PTPRT: variants seen among roughly 807,000 people sequenced by gnomAD.
PTPRT encodes the protein receptor-type tyrosine-protein phosphatase T.
Under a neutral mutation model 176.8 loss-of-function variants are expected in PTPRT, and 56 were observed. The observed-to-expected ratio is 0.32, with a 90% CI of 0.26 to 0.40. The LOEUF (loss-of-function observed/expected upper bound fraction) is 0.40. Ranked by LOEUF, PTPRT falls within the 10% of genes least tolerant of loss-of-function variation. The pLI, the probability that PTPRT is intolerant of heterozygous loss-of-function variation, is 1.00. For missense variants in PTPRT, 1,540 were observed against 1,908.2 expected (o/e 0.81, Z 3.60); for synonymous variants, 783 against 739.0 (o/e 1.06, Z -0.96).
chr20:42,209,214 C>A (rs1189264898), intron 15 of PTPRT, among the ~76,000 whole-genome samples: 4 of 152,088 alleles, frequency 2.6e-5, no homozygotes, highest in African/African-American at 7.2e-5. Context: ...AAAATTAATA[C>A]CCTAACATCA....
At chr20:42,447,989 A>C (rs945633910) in intron 9 of PTPRT, among the ~76,000 whole-genome samples, 5 of 152,106 alleles carry the variant, frequency 3.3e-5, no homozygotes, top group African/African-American at 1.2e-4. Flanking sequence ...GTCAGTTGTC[A>C]CCATAGTCAC....
intron 7 of PTPRT, among the ~76,000 whole-genome samples, chr20:42,495,733 AC>A (rs1344563493): frequency 1.3e-5 from 2 of 152,170 alleles, no homozygotes; most frequent in African/African-American, 4.8e-5. Flanking sequence ...CAAACCTAGC[AC>A]CTAAGATACT....
chr20:42,083,261 C>T (rs1983541925), intron 29 of PTPRT, among the ~76,000 whole-genome samples: 1 of 152,104 alleles, frequency 6.6e-6, no homozygotes, highest in Non-Finnish European at 1.5e-5. Flanking sequence ...GACACAGGGT[C>T]TCAGGGCCTG....
chr20:42,531,478 C>T (rs76073946), intron 7 of PTPRT, among the ~76,000 whole-genome samples: 3 of 152,130 alleles, frequency 2.0e-5, no homozygotes, highest in Non-Finnish European at 4.4e-5. Flanking sequence ...GCTGGTTAGG[C>T]GAGGCCTTAA....
intron 1 of PTPRT, among the ~76,000 whole-genome samples, chr20:43,122,643 G>C (rs1004658161): frequency 6.6e-6 from 1 of 151,950 alleles, no homozygotes; most frequent in African/African-American, 2.4e-5. Context: ...AAGTGCCTTG[G>C]GCCTCCCCCT....
At chr20:42,111,065 C>T (rs145123643) in intron 22 of PTPRT, among the ~76,000 whole-genome samples, 168 of 152,316 alleles carry the variant, frequency 1.1e-3, no homozygotes, top group African/African-American at 3.8e-3. Context: ...CAGAGCTTCT[C>T]TGATCTGATG....
rs116767106 is a variant in PTPRT, at chr20:42,593,251, A to G, written c.1153+84615T>C. ...TATTGGATGCCAAAATCCTCCGCAC[A>G]TCTTCATCTAGTGGTCACCCAGCCT... On this transcript the variant is annotated intron_variant, in intron 7 of 30. Transcript: ENST00000373187. Among the ~76,000 whole-genome samples the G allele has an allele frequency of 4.3e-3, 651 of 152,218 alleles. 2 individuals are homozygous for G. The highest frequency in any genetic ancestry group is 0.015 in the African/African-American group (632 of 41,538).
Position 42,199,399 on chromosome 20 carries a change from T to G in PTPRT, c.2343-11A>C. The G allele has an allele frequency of 6.2e-7, 1 of 1,612,114 alleles. No individual in the cohort carries two copies. On this transcript the variant is annotated splice_polypyrimidine_tract_variant and intron_variant, in intron 15 of 30. Coordinates refer to ENST00000373187, the MANE Select transcript of PTPRT (RefSeq NM_007050.6). ...TTCTTGGCCAGCTTCCTTTGGGACA[T>G]GTGCAAGGGGAAAAAACCACAGTCA...
intron 5 of PTPRT, among the ~76,000 whole-genome samples, chr20:42,768,684 T>C (rs1192885456): frequency 6.6e-6 from 1 of 152,218 alleles, no homozygotes; most frequent in Non-Finnish European, 1.5e-5. Context: ...TTTCTCCTTC[T>C]ATCTGGTGTT....
chr20:42,551,071 T>C (rs1466055312), intron 7 of PTPRT, among the ~76,000 whole-genome samples: 3 of 152,168 alleles, frequency 2.0e-5, no homozygotes, highest in Non-Finnish European at 4.4e-5. Context: ...TCTTCATGCA[T>C]TGTTTTTCAT....
intron 6 of PTPRT, among the ~76,000 whole-genome samples, chr20:42,742,460 CT>C (rs995415553): frequency 1.3e-5 from 2 of 152,176 alleles, no homozygotes; most frequent in Non-Finnish European, 2.9e-5. Flanking sequence ...TGGTGCTGTA[CT>C]CCACATAGTC....
chr20:42,423,893 G>C (rs1219560479), intron 9 of PTPRT, among the ~76,000 whole-genome samples: 4 of 152,106 alleles, frequency 2.6e-5, no homozygotes, highest in African/African-American at 7.2e-5. Flanking sequence ...AATAATTACA[G>C]AAAAATTTCA....
At chr20:42,312,779 T>C (rs2057654297) in intron 12 of PTPRT, among the ~76,000 whole-genome samples, 1 of 149,746 alleles carries the variant, frequency 6.7e-6, no homozygotes, top group East Asian at 2.0e-4. Flanking sequence ...GCTTCTGAGA[T>C]GAGGCAGTTT....
chr20:42,366,432 G>C (rs6030173), intron 9 of PTPRT, among the ~76,000 whole-genome samples: 83,288 of 152,078 alleles, frequency 0.55, 23,063 homozygotes, highest in Non-Finnish European at 0.57. Flanking sequence ...CACTTGCTTC[G>C]CTTCCCATCT....
At chr20:42,082,902 G>A (rs115256665) in intron 29 of PTPRT, among the ~76,000 whole-genome samples, 2,611 of 152,242 alleles carry the variant, frequency 0.017, 20 homozygotes, top group African/African-American at 0.026. Flanking sequence ...TCTCCCAGAT[G>A]TTTTATCTAC....
intron 6 of PTPRT, among the ~76,000 whole-genome samples, chr20:42,696,518 T>G (rs1461793700): frequency 6.6e-6 from 1 of 151,202 alleles, no homozygotes; most frequent in Non-Finnish European, 1.5e-5. Context: ...TGCAGTGGCA[T>G]GATCTCGGCT....
chr20:43,129,167 G>A (rs1357871612), intron 1 of PTPRT, among the ~76,000 whole-genome samples: 1 of 152,144 alleles, frequency 6.6e-6, no homozygotes, highest in Non-Finnish European at 1.5e-5. Flanking sequence ...CTGCCCAAGG[G>A]GGTGTAGGGG....
intron 7 of PTPRT, among the ~76,000 whole-genome samples, chr20:42,570,263 G>A (rs909842935): frequency 7.9e-5 from 12 of 152,154 alleles, no homozygotes; most frequent in Admixed American, 4.6e-4. Context: ...GAAACCCGCC[G>A]TGTCCCTGCT....
At chr20:42,113,860 C>T (rs1233353828) in intron 22 of PTPRT, among the ~76,000 whole-genome samples, 2 of 152,226 alleles carry the variant, frequency 1.3e-5, no homozygotes, top group African/African-American at 2.4e-5. Flanking sequence ...CACAGGCTTC[C>T]TGACTTTTTC....
Sources: allele counts gnomAD v4.1 joint callset (sites outside exome capture counted in the v4.1 genomes callset), GRCh38; gene constraint gnomAD v4.1.1; transcripts MANE v1.5; gene names NCBI Gene and HGNC (gene_info 2026-07-23, HGNC 2026-07-21).